The following COL24A1 variants were observed in gnomAD, a reference collection of about 807,000 sequenced individuals.
COL24A1 encodes collagen type XXIV alpha 1 chain.
COL24A1 carries 224 observed loss-of-function variants against 253.9 expected under a neutral mutation model. The ratio of observed to expected loss-of-function variants is 0.88; its 90% CI spans 0.79 to 0.99. The LOEUF is 0.99. Among genes scored for constraint, COL24A1 ranks in the 50% least tolerant of loss-of-function variants. COL24A1 has a pLI of 0.00. For synonymous variants in COL24A1, 685 were observed against 673.7 expected (o/e 1.02, Z -0.26); for missense variants, 2,131 against 2,068.5 (o/e 1.03, Z -0.59).
intron 37 of COL24A1, among the ~76,000 whole-genome samples, chr1:85,855,994 A>G (rs907687693): frequency 4.6e-5 from 7 of 152,146 alleles, no homozygotes; most frequent in African/African-American, 1.7e-4. Context: ...GGTGTTCATA[A>G]TAGTCTCTGA....
At chr1:85,986,018 C>A (rs1693692607) in intron 20 of COL24A1, among the ~76,000 whole-genome samples, 1 of 151,854 alleles carries the variant, frequency 6.6e-6, no homozygotes, top group Non-Finnish European at 1.5e-5. Context: ...ATCCCCTTGT[C>A]TGCTTCACAA....
At chr1:86,035,034 T>C (rs1698886343) in intron 12 of COL24A1, among the ~76,000 whole-genome samples, 1 of 152,164 alleles carries the variant, frequency 6.6e-6, no homozygotes, top group Non-Finnish European at 1.5e-5. Context: ...CAAAAATTAC[T>C]GGTTCCCAGA....
chr1:86,048,429 A>AG (rs1175084875), intron 11 of COL24A1, among the ~76,000 whole-genome samples: 4 of 152,186 alleles, frequency 2.6e-5, no homozygotes, highest in Non-Finnish European at 5.9e-5. Context: ...ATTAGGACAC[A>AG]GTACCCGTGA....
intron 2 of COL24A1, among the ~76,000 whole-genome samples, chr1:86,129,475 A>G (rs1208208332): frequency 6.6e-6 from 1 of 151,432 alleles, no homozygotes; most frequent in Non-Finnish European, 1.5e-5. Flanking sequence ...CTCTTTTGCT[A>G]ATCTCTGAAG....
intron 53 of COL24A1, among the ~76,000 whole-genome samples, chr1:85,768,390 T>C (rs1158944191): frequency 1.3e-5 from 2 of 152,044 alleles, no homozygotes; most frequent in Admixed American, 6.6e-5. Flanking sequence ...CTATTTGCTA[T>C]GTAGAGAATA....
At chr1:85,818,920 TCA>T (rs1267553231) in intron 45 of COL24A1, among the ~76,000 whole-genome samples, 1 of 152,218 alleles carries the variant, frequency 6.6e-6, no homozygotes, top group Admixed American at 6.5e-5. Flanking sequence ...TGCTAAAGAT[TCA>T]GTTTAATAAT....
At chr1:85,870,376 C>A (rs747403142) in intron 35 of COL24A1, among the ~76,000 whole-genome samples, 3 of 152,180 alleles carry the variant, frequency 2.0e-5, no homozygotes, top group Non-Finnish European at 4.4e-5. Flanking sequence ...CTTTCCACCC[C>A]AAATCAACAG....
At chr1:85,966,358 T>C (rs1284317865) in intron 22 of COL24A1, among the ~76,000 whole-genome samples, 1 of 152,146 alleles carries the variant, frequency 6.6e-6, no homozygotes, top group East Asian at 1.9e-4. Context: ...TTGTGGTAGT[T>C]ATTTATACAA....
Position 86,126,060 on chromosome 1 carries a change from T to C in COL24A1, c.276A>G (p.Thr92=), listed in dbSNP as rs752966345. 6.2e-6 allele frequency: 10 copies of C among 1,613,564 alleles called. No homozygotes were observed. Among genetic ancestry groups the C allele is most frequent in the Non-Finnish European group, 8.5e-6 (10 of 1,179,758 alleles). Residue 92 remains threonine (T), a synonymous_variant, in exon 3 of 60, where the codon ACA becomes ACG. Transcript: ENST00000370571. ...TGACTGGTAAAATTTTCACGAAAGG[T>C]GTCTCGATATAAGCATCATTTTTAA... ...VIFKNDAYIE[T]PFVKILPVNL... is the part of the protein sequence containing the mutation.
At chr1:85,975,537 A>C (rs1692585394) in intron 20 of COL24A1, among the ~76,000 whole-genome samples, 1 of 152,204 alleles carries the variant, frequency 6.6e-6, no homozygotes, top group Non-Finnish European at 1.5e-5. Context: ...TGCATGTTCC[A>C]ACTCATATGT....
At chr1:86,000,847 C>T (rs915559974) in intron 19 of COL24A1, among the ~76,000 whole-genome samples, 1 of 152,116 alleles carries the variant, frequency 6.6e-6, no homozygotes, top group African/African-American at 2.4e-5. Context: ...TCTCTGTAGC[C>T]CAGGGGGCTT....
chr1:85,828,605 T>G (rs1570793522), intron 43 of COL24A1, among the ~76,000 whole-genome samples: 1 of 150,144 alleles, frequency 6.7e-6, no homozygotes, highest in African/African-American at 2.5e-5. Context: ...ATCTGGGTGC[T>G]CCTGTATTGG....
At chr1:85,849,085 A>G (rs1393925152) in intron 38 of COL24A1, among the ~76,000 whole-genome samples, 1 of 152,156 alleles carries the variant, frequency 6.6e-6, no homozygotes, top group Non-Finnish European at 1.5e-5. Context: ...ATGGTCTACT[A>G]AAAGAATTTT....
intron 47 of COL24A1, among the ~76,000 whole-genome samples, chr1:85,800,338 C>T (rs1429463192): frequency 1.3e-5 from 2 of 152,186 alleles, no homozygotes; most frequent in African/African-American, 4.8e-5. Flanking sequence ...ACTCTCTCTC[C>T]TCAGGAACGT....
chr1:85,892,342 A>C (rs913963115), intron 31 of COL24A1, among the ~76,000 whole-genome samples: 14 of 152,138 alleles, frequency 9.2e-5, no homozygotes, highest in Middle Eastern at 3.4e-3. Context: ...CCCCCAAAAG[A>C]CTCTGTCAAC....
chr1:86,081,976 T>C (rs1490860766), intron 7 of COL24A1, among the ~76,000 whole-genome samples: 2 of 152,182 alleles, frequency 1.3e-5, no homozygotes, highest in Non-Finnish European at 2.9e-5. Flanking sequence ...TCCCATTAAA[T>C]GGGAAGAACT....
intron 57 of COL24A1, among the ~76,000 whole-genome samples, chr1:85,739,629 A>G (rs1664398093): frequency 6.6e-6 from 1 of 152,130 alleles, no homozygotes; most frequent in Non-Finnish European, 1.5e-5. Flanking sequence ...TGGTGTAATC[A>G]TTTACTATTT....
At chr1:86,083,690 G>A (rs1471962644) in intron 7 of COL24A1, among the ~76,000 whole-genome samples, 1 of 152,104 alleles carries the variant, frequency 6.6e-6, no homozygotes, top group Non-Finnish European at 1.5e-5. Context: ...TAGGTGGTTG[G>A]AGCCAGAGGA....
At chr1:85,977,653 A>C (rs995818217) in intron 20 of COL24A1, among the ~76,000 whole-genome samples, 46 of 152,152 alleles carry the variant, frequency 3.0e-4, no homozygotes, top group African/African-American at 9.9e-4. Flanking sequence ...TTCCTAATTA[A>C]CTCAATCAGA....
Sources: gnomAD v4.1 joint callset for allele counts (sites outside exome capture counted in the v4.1 genomes callset) on GRCh38, gnomAD v4.1.1 for gene constraint, MANE v1.5 for transcripts, NCBI Gene and HGNC (gene_info 2026-07-23, HGNC 2026-07-21) for gene names.